SH3GL3: variants seen among roughly 807,000 people sequenced by gnomAD.
The protein encoded by SH3GL3 is SH3 domain containing GRB2 like 3, endophilin A3, also known as endophilin-A3.
Under a neutral mutation model 47.7 loss-of-function variants are expected in SH3GL3, and 33 were observed. That is an observed-to-expected ratio of 0.69 (90% CI 0.52 to 0.92). SH3GL3 has a LOEUF of 0.92. SH3GL3 is among the 40% of genes least tolerant of loss of function. The probability of loss-of-function intolerance (pLI) is 0.00; values close to 1 mark genes in which losing one functional copy is unlikely to be tolerated. For synonymous variants in SH3GL3, 155 were observed against 148.8 expected, an observed-to-expected ratio of 1.04 and a Z score of -0.30; for missense variants, 363 against 417.8, an observed-to-expected ratio of 0.87 and a Z score of 1.14.
At position 83,554,112 on chromosome 15, in the gene SH3GL3, C is replaced by T. The variant is rs190684116; in HGVS notation, c.46-5141C>T. Among the ~76,000 whole-genome samples the T allele has an allele frequency of 3.6e-4, 54 of 151,390 alleles. No individual in the cohort carries two copies. In the East Asian group the frequency reaches 3.7e-3, roughly 10 times the overall value. On this transcript the variant is annotated intron_variant, in intron 1 of 8. Transcript: ENST00000427482. ...TCAGCTCATTGCAACCTCTGCCTCC[C>T]GAGTTCAAGTGATTCTTCCATTCTC...
At chr15:83,622,839 C>T (rs1168240584), downstream of SH3GL3, among the ~76,000 whole-genome samples, 1 of 152,252 alleles carries the variant, frequency 6.6e-6, no homozygotes, top group Non-Finnish European at 1.5e-5. Flanking sequence ...CCTTGCACAT[C>T]ACTTCTTCTG....
Position 83,607,289 on chromosome 15 carries a change from A to G in SH3GL3, c.839-10793A>G, listed in dbSNP as rs144479824. Among the ~76,000 whole-genome samples, 291 of 152,368 alleles carry G rather than the reference A, an allele frequency of 1.9e-3. 1 individual carries two copies. The highest frequency in any genetic ancestry group is 6.7e-3 in the African/African-American group (280 of 41,584). ...ATGTACTTGTTTTAAAAAATACGGTAGAAGTCAGTTGTTTCCTGGGATTAC... is the reference window on the plus strand; with the variant it reads ...ATGTACTTGTTTTAAAAAATACGGTGGAAGTCAGTTGTTTCCTGGGATTAC... On this transcript the variant is annotated intron_variant, in intron 8 of 8. Transcript: ENST00000427482.
chr15:83,467,020 TCTTTTACAGAGCAAAA>T (rs759657795), intron 1 of SH3GL3, among the ~76,000 whole-genome samples: 3 of 152,230 alleles, frequency 2.0e-5, no homozygotes, highest in Non-Finnish European at 4.4e-5. Context: ...TTGAATCAGA[TCTTTTACAGAGCAAAA>T]GTTTTACATT....
At chr15:83,625,329 G>A in the SH3GL3 span, among the ~76,000 whole-genome samples, 2 of 152,310 alleles carry the variant, frequency 1.3e-5, no homozygotes, top group Middle Eastern at 6.8e-3. Context: ...TGCTCTGAAG[G>A]CCGTGCTATT....
At chr15:83,501,596 A>T (rs1433601698) in intron 1 of SH3GL3, among the ~76,000 whole-genome samples, 1 of 152,176 alleles carries the variant, frequency 6.6e-6, no homozygotes, top group African/African-American at 2.4e-5. Context: ...TGCCTTTAAG[A>T]TTTACTGGCT....
chr15:83,561,737 T>C (rs1209365603), intron 2 of SH3GL3, among the ~76,000 whole-genome samples: 1 of 152,068 alleles, frequency 6.6e-6, no homozygotes, highest in Non-Finnish European at 1.5e-5. Context: ...ATATGCCCAC[T>C]GATAGCATTT....
Position 83,531,169 on chromosome 15 carries a change from T to C in SH3GL3, c.46-28084T>C, listed in dbSNP as rs569641099. On this transcript the variant is annotated intron_variant, in intron 1 of 8. Transcript: ENST00000427482. Reference sequence around the variant, plus strand: ...TACTACTTTGTGTGCACCATTCTAGTGCTGAGGATACCATAATGAGTAATA... The same window carrying C: ...TACTACTTTGTGTGCACCATTCTAGCGCTGAGGATACCATAATGAGTAATA... Among the ~76,000 whole-genome samples the C allele has an allele frequency of 2.0e-5, 3 of 152,314 alleles. No individual in the cohort carries two copies. In the East Asian group the frequency reaches 5.8e-4, roughly 29 times the overall value.
At chr15:83,574,385 T>G (rs2059617862) in intron 5 of SH3GL3, among the ~76,000 whole-genome samples, 1 of 152,176 alleles carries the variant, frequency 6.6e-6, no homozygotes, top group Admixed American at 6.5e-5. Flanking sequence ...AACATGTCCC[T>G]GTTGCTCTCA....
chr15:83,541,743 C>A (rs566505220), intron 1 of SH3GL3, among the ~76,000 whole-genome samples: 1 of 152,204 alleles, frequency 6.6e-6, no homozygotes, highest in African/African-American at 2.4e-5. Context: ...CATATACCTG[C>A]TAGCCATTTG....
chr15:83,480,397 A>C (rs1022744361), intron 1 of SH3GL3, among the ~76,000 whole-genome samples: 3 of 152,252 alleles, frequency 2.0e-5, no homozygotes, highest in Non-Finnish European at 2.9e-5. Flanking sequence ...TTTATGAAGA[A>C]GATGCCGCCA....
chr15:83,466,675 T>C (rs1172363727), intron 1 of SH3GL3, among the ~76,000 whole-genome samples: 2 of 152,234 alleles, frequency 1.3e-5, no homozygotes, highest in African/African-American at 2.4e-5. Flanking sequence ...CCAAGAGTTA[T>C]GTGTGACAGT....
At chr15:83,597,057 G>C (rs1394224642) in intron 8 of SH3GL3, among the ~76,000 whole-genome samples, 1 of 152,154 alleles carries the variant, frequency 6.6e-6, no homozygotes, top group Non-Finnish European at 1.5e-5. Context: ...CACAAACTGT[G>C]TGGTCTAAAA....
At chr15:83,619,612 A>G (rs1358903727), downstream of SH3GL3, among the ~76,000 whole-genome samples, 1 of 152,216 alleles carries the variant, frequency 6.6e-6, no homozygotes, top group African/African-American at 2.4e-5. Flanking sequence ...TTAAATGGGT[A>G]GGAGCATATG....
chr15:83,619,693 G>A (rs923051043), downstream of SH3GL3, among the ~76,000 whole-genome samples: 25 of 152,188 alleles, frequency 1.6e-4, no homozygotes, highest in African/African-American at 6.0e-4. Flanking sequence ...GATTATCTGA[G>A]CCTTCAGCAA....
At chr15:83,506,971 G>A (rs1300803159) in intron 1 of SH3GL3, among the ~76,000 whole-genome samples, 1 of 151,478 alleles carries the variant, frequency 6.6e-6, no homozygotes, top group Non-Finnish European at 1.5e-5. Context: ...AAAATTTCCT[G>A]ATTGGTTGTT....
At chr15:83,614,113 C>G (rs1213751317) in intron 8 of SH3GL3, among the ~76,000 whole-genome samples, 2 of 152,158 alleles carry the variant, frequency 1.3e-5, no homozygotes, top group Non-Finnish European at 2.9e-5. Context: ...GTTTTCAGTG[C>G]TCAGCCCCCA....
intron 8 of SH3GL3, among the ~76,000 whole-genome samples, chr15:83,592,423 G>T (rs1056624321): frequency 3.9e-5 from 6 of 152,062 alleles, no homozygotes; most frequent in Admixed American, 3.3e-4. Context: ...TGACTTTTCT[G>T]ACTACTCTTG....
rs554827631 is a variant in SH3GL3, at chr15:83,456,412, T to C, written c.45+8834T>C. 1.1e-3 allele frequency among the ~76,000 whole-genome samples: 63 copies of C among 56,054 alleles called. 1 individual carries two copies. Among genetic ancestry groups the C allele is most frequent in the African/African-American group, 3.3e-3 (58 of 17,388 alleles). 36.8% of individuals were successfully genotyped at this position (56,054 alleles called of 152,430 possible). A position where few individuals can be genotyped will look rare whatever the true frequency, so the allele number is the denominator to read the frequency against. ...GGCGGGCCCCCCTCCCCCAGCCTCG[T>C]TGCCACCTTGCAGTTTGATCTCAGA... is the stretch of plus-strand genomic sequence containing the variant. On this transcript the variant is annotated intron_variant, in intron 1 of 8. Transcript: ENST00000427482.
At chr15:83,600,311 T>G (rs1285071894) in intron 8 of SH3GL3, among the ~76,000 whole-genome samples, 2 of 152,232 alleles carry the variant, frequency 1.3e-5, no homozygotes, top group African/African-American at 4.8e-5. Flanking sequence ...TCTAGAATTT[T>G]TATAGTTTCA....
Sources: allele counts gnomAD v4.1 joint callset (sites outside exome capture counted in the v4.1 genomes callset), GRCh38; gene constraint gnomAD v4.1.1; transcripts MANE v1.5; gene names NCBI Gene and HGNC (gene_info 2026-07-23, HGNC 2026-07-21).